Variants in TECPR2 observed in about 807,000 individuals in gnomAD.
TECPR2 encodes the protein tectonin beta-propeller repeat containing 2, also known as tectonin beta-propeller repeat-containing protein 2.
In TECPR2, 65 loss-of-function variants were observed where a neutral mutation model predicts 138.1. The ratio of observed to expected loss-of-function variants is 0.47; its 90% CI spans 0.39 to 0.58. TECPR2 has a LOEUF of 0.58. Ranked by LOEUF, TECPR2 falls within the 20% of genes least tolerant of loss-of-function variation. The probability of loss-of-function intolerance (pLI) is 0.00; values close to 1 mark genes in which losing one functional copy is unlikely to be tolerated. For missense variants in TECPR2, 1,553 were observed against 1,824.5 expected (o/e 0.85, Z 2.71); for synonymous variants, 746 against 749.8 (o/e 0.99, Z 0.08).
rs927799060 is a variant in TECPR2, at chr14:102,432,206, G to A, written c.1417+78G>A. On this transcript the variant is annotated intron_variant, in intron 8 of 19. Coordinates refer to ENST00000359520, the MANE Select transcript of TECPR2 (RefSeq NM_014844.5). ...CTCTGGGAGTGCTGCTGCTCACTGA[G>A]TGAGCAATGCTCCATACATCCAAAA... 8.1e-6 allele frequency: 11 copies of A among 1,354,812 alleles called. No individual in the cohort carries two copies. In the African/African-American group the frequency reaches 8.8e-5, roughly 11 times the overall value. The allele number at this position is 1,354,812 out of a possible 1,614,324, so 83.9% of individuals were successfully genotyped here. A position where few individuals can be genotyped will look rare whatever the true frequency, so the allele number is the denominator to read the frequency against.
intron 2 of TECPR2, among the ~76,000 whole-genome samples, chr14:102,401,439 C>CAAA (rs35011003): frequency 1.8e-5 from 1 of 57,068 alleles, no homozygotes; most frequent in Non-Finnish European, 3.8e-5. Flanking sequence ...AACTCCATCT[C>CAAA]AAAAAAAAAA....
intron 16 of TECPR2, among the ~76,000 whole-genome samples, chr14:102,460,729 C>CT (rs1336100496): frequency 7.0e-6 from 1 of 143,554 alleles, no homozygotes; most frequent in East Asian, 2.1e-4. Context: ...GAGTCTCGCT[C>CT]TGTCGCCCAG....
chr14:102,433,852 G>C (rs761363129), intron 8 of TECPR2, among the ~76,000 whole-genome samples: 22 of 152,102 alleles, frequency 1.4e-4, no homozygotes, highest in Admixed American at 6.6e-5. Context: ...TTATGGCTGT[G>C]TAACACTGAA....
intron 13 of TECPR2, among the ~76,000 whole-genome samples, chr14:102,448,389 G>T (rs1021559038): frequency 6.6e-6 from 1 of 152,214 alleles, no homozygotes; most frequent in African/African-American, 2.4e-5. Context: ...TGCCCAAGAA[G>T]AGAAGAGCTT....
intron 1 of TECPR2, among the ~76,000 whole-genome samples, chr14:102,367,680 C>T (rs1887380318): frequency 6.6e-6 from 1 of 152,094 alleles, no homozygotes; most frequent in Admixed American, 6.6e-5. Context: ...GTTGTTTTGA[C>T]ATTTTGGCTA....
At chr14:102,446,047 T>A in intron 13 of TECPR2, 100 bp downstream of exon 13, 1 of 1,319,074 alleles carries the variant, frequency 7.6e-7, no homozygotes, top group Non-Finnish European at 1.0e-6. Flanking sequence ...AGATTAAATT[T>A]AAAATACTCA....
Position 102,499,208 on chromosome 14 carries a change from G to A in TECPR2, c.*951G>A, listed in dbSNP as rs1383056142. ...AGGGTGCATGGGGCGTGGGGGAGCTGAGCAAGGGTCGCTCACTTAGAAATG... is the reference window on the plus strand; with the variant it reads ...AGGGTGCATGGGGCGTGGGGGAGCTAAGCAAGGGTCGCTCACTTAGAAATG... On this transcript the variant is annotated 3_prime_UTR_variant, in exon 20 of 20. Coordinates refer to ENST00000359520, the MANE Select transcript of TECPR2 (RefSeq NM_014844.5). 4 of 696,836 alleles carry A rather than the reference G, an allele frequency of 5.7e-6. No individual in the cohort carries two copies. The highest frequency in any genetic ancestry group is 3.5e-5 in the African/African-American group (2 of 57,150). 43.2% of individuals were successfully genotyped at this position (696,836 alleles called of 1,614,324 possible).
rs1031278815 is a variant in TECPR2 at position 102,436,905 on chromosome 14, G to A, written c.2395-1117G>A. Reference sequence around the variant, plus strand: ...TGTCTGGGCGTTAGCCAGGCAGACTGTCGGTGGGGTGGGGTATTGGAATTC... The same window carrying A: ...TGTCTGGGCGTTAGCCAGGCAGACTATCGGTGGGGTGGGGTATTGGAATTC... On this transcript the variant is annotated intron_variant, in intron 9 of 19. Transcript: ENST00000359520. The A allele has an allele frequency of 1.4e-5, 11 of 812,686 alleles. No homozygotes were observed. In the African/African-American group the frequency reaches 1.9e-4, roughly 14 times the overall value. The allele number at this position is 812,686 out of a possible 1,614,324, so 50.3% of individuals were successfully genotyped here.
chr14:102,412,542 A>G (rs1443517417), intron 4 of TECPR2, among the ~76,000 whole-genome samples: 1 of 152,144 alleles, frequency 6.6e-6, no homozygotes, highest in Non-Finnish European at 1.5e-5. Flanking sequence ...GGACAGATAC[A>G]AGTTTTCAGA....
intron 1 of TECPR2, among the ~76,000 whole-genome samples, chr14:102,366,343 T>TTTTA (rs1223348109): frequency 6.6e-6 from 1 of 152,038 alleles, no homozygotes; most frequent in Non-Finnish European, 1.5e-5. Flanking sequence ...TTCATTATAT[T>TTTTA]TTTATTTATT....
At chr14:102,423,540 T>A (rs1889239933) in intron 5 of TECPR2, among the ~76,000 whole-genome samples, 1 of 152,028 alleles carries the variant, frequency 6.6e-6, no homozygotes, top group African/African-American at 2.4e-5. Flanking sequence ...CCAAGACAAT[T>A]CTTCTTCTTC....
At chr14:102,442,997 G>C (rs1889874747) in intron 11 of TECPR2, among the ~76,000 whole-genome samples, 1 of 152,260 alleles carries the variant, frequency 6.6e-6, no homozygotes, top group African/African-American at 2.4e-5. Context: ...ACAGACCTCA[G>C]ATTTCATCTG....
chr14:102,370,655 G>A (rs1887479925), intron 1 of TECPR2, among the ~76,000 whole-genome samples: 1 of 152,212 alleles, frequency 6.6e-6, no homozygotes, highest in South Asian at 2.1e-4. Context: ...TTAGCAGGAG[G>A]AAGATGGGGA....
At chr14:102,475,564 G>T (rs1373625079) in intron 17 of TECPR2, among the ~76,000 whole-genome samples, 2 of 152,136 alleles carry the variant, frequency 1.3e-5, no homozygotes, top group Non-Finnish European at 2.9e-5. Context: ...AGTAAATGCA[G>T]CTCTGGTCCT....
intron 1 of TECPR2, among the ~76,000 whole-genome samples, chr14:102,376,314 C>T (rs748456084): frequency 5.0e-4 from 76 of 152,184 alleles, no homozygotes; most frequent in Non-Finnish European, 8.5e-4. Flanking sequence ...CAAATTATCA[C>T]CTCATTACTT....
chr14:102,436,362 AGGATGGAGCGCAGTGGCGCAATCATG>A (rs1889673140), intron 9 of TECPR2, among the ~76,000 whole-genome samples: 1 of 144,014 alleles, frequency 6.9e-6, no homozygotes, highest in Admixed American at 7.1e-5. Context: ...TCTGTCACCC[AGGATGGAGCGCAGTGGCGCAATCATG>A]GCTCATTGCT....
At chr14:102,475,408 G>A (rs998638659) in intron 17 of TECPR2, among the ~76,000 whole-genome samples, 36 of 152,224 alleles carry the variant, frequency 2.4e-4, no homozygotes, top group African/African-American at 8.7e-4. Flanking sequence ...AGGTGGCCTG[G>A]TCAGACCATG....
At chr14:102,465,068 G>A (rs1330566436) in intron 16 of TECPR2, 73 bp from the exon 17 acceptor site, 1 of 1,553,098 alleles carries the variant, frequency 6.4e-7, no homozygotes, top group East Asian at 2.2e-5. Context: ...GAAAATCAAA[G>A]TTCATAGATT....
At chr14:102,449,905 T>C in intron 14 of TECPR2, 36 bp downstream of exon 14, 4 of 1,603,866 alleles carry the variant, frequency 2.5e-6, no homozygotes, top group Non-Finnish European at 3.4e-6. Flanking sequence ...ACTGGCTTTA[T>C]AGGCAGCCTC....
Sources: gnomAD v4.1 joint callset for allele counts (sites outside exome capture counted in the v4.1 genomes callset) on GRCh38, gnomAD v4.1.1 for gene constraint, MANE v1.5 for transcripts, NCBI Gene and HGNC (gene_info 2026-07-23, HGNC 2026-07-21) for gene names.